The following EPB41L2 variants were observed in gnomAD, a reference collection of about 807,000 sequenced individuals.
EPB41L2 encodes erythrocyte membrane protein band 4.1 like 2.
In EPB41L2, 43 loss-of-function variants were observed where a neutral mutation model predicts 113.0. The ratio of observed to expected loss-of-function variants is 0.38; its 90% confidence interval spans 0.30 to 0.49. The LOEUF is 0.49. Among genes scored for constraint, EPB41L2 ranks in the 20% least tolerant of loss-of-function variants. The pLI is 0.95. For missense variants in EPB41L2, 1,147 were observed against 1,223.4 expected (o/e 0.94, Z 0.93); for synonymous variants, 442 against 436.7 (o/e 1.01, Z -0.15).
intron 4 of EPB41L2, among the ~76,000 whole-genome samples, chr6:130,913,999 C>G (rs141380343): frequency 5.3e-5 from 8 of 152,264 alleles, no homozygotes; most frequent in Non-Finnish European, 1.2e-4. Flanking sequence ...AGGTTTTAGA[C>G]TTAAAGATTT....
In EPB41L2 at chr6:130,908,164, G is replaced by A. The variant is rs1183428803; in HGVS notation, c.853+657C>T. On this transcript the variant is annotated intron_variant, in intron 5 of 19. Transcript: ENST00000337057. ...GCAAAACAACCTGCAGAGGCAGAAC[G>A]TATAGAGAGAACTGAAGCTGGTTAG... Among the ~76,000 whole-genome samples the A allele has an allele frequency of 4.6e-5, 7 of 152,188 alleles. No individual in the cohort carries two copies. In the East Asian group the frequency reaches 7.7e-4, roughly 17 times the overall value.
chr6:131,052,887 T>C (rs1796840198), intron 1 of EPB41L2, among the ~76,000 whole-genome samples: 1 of 152,096 alleles, frequency 6.6e-6, no homozygotes, highest in Admixed American at 6.5e-5. Flanking sequence ...AACAACTATC[T>C]ACACACAAAA....
chr6:130,988,706 T>C (rs937446331), intron 1 of EPB41L2, among the ~76,000 whole-genome samples: 2 of 151,998 alleles, frequency 1.3e-5, no homozygotes, highest in African/African-American at 2.4e-5. Context: ...AATGAAAAAA[T>C]ATTTGGAGGG....
rs60350565 is a variant in EPB41L2 at position 130,892,403 on chromosome 6, C to CTTTTTTTTTTTTTTTTTT, written c.1487+1923_1488-1938dup. On this transcript the variant is annotated intron_variant, in intron 10 of 19. Transcript: ENST00000337057. ...CTTGCCATTTCTGAACAGATTATTG[C>CTTTTTTTTTTTTTTTTTT]TTTTTTTTTTTTTTTTTTTATCATT... Among the ~76,000 whole-genome samples the CTTTTTTTTTTTTTTTTTT allele has an allele frequency of 8.4e-3, 776 of 92,380 alleles. 87 individuals are homozygous for CTTTTTTTTTTTTTTTTTT. Among genetic ancestry groups the CTTTTTTTTTTTTTTTTTT allele is most frequent in the Non-Finnish European group, 0.013 (554 of 41,326 alleles). The allele number at this position is 92,380 out of a possible 152,430, so 60.6% of individuals were successfully genotyped here.
intron 1 of EPB41L2, among the ~76,000 whole-genome samples, chr6:130,976,521 T>C (rs1228986509): frequency 1.3e-5 from 2 of 152,188 alleles, no homozygotes; most frequent in Admixed American, 6.5e-5. Context: ...GAAAGAAAGA[T>C]ACTGCATGAC....
At chr6:130,908,517 A>G (rs1798379173) in intron 5 of EPB41L2, among the ~76,000 whole-genome samples, 1 of 152,210 alleles carries the variant, frequency 6.6e-6, no homozygotes, top group Non-Finnish European at 1.5e-5. Flanking sequence ...AGTAAAATTT[A>G]CATAGAAAGT....
intron 1 of EPB41L2, among the ~76,000 whole-genome samples, chr6:131,023,549 G>A (rs1284832956): frequency 2.0e-5 from 3 of 152,086 alleles, no homozygotes; most frequent in African/African-American, 7.2e-5. Flanking sequence ...CGGGCATGGT[G>A]GTGCACACAC....
rs573750642 is a variant in EPB41L2, at chr6:131,014,727, C to A, written c.-15+48428G>T. Among the ~76,000 whole-genome samples the A allele has an allele frequency of 2.0e-4, 31 of 152,256 alleles. 1 individual carries two copies. Among genetic ancestry groups the A allele is most frequent in the African/African-American group, 7.0e-4 (29 of 41,542 alleles). ...TACACAAAAACAATAAGCAAAGGAA[C>A]CTCGATTCAATTACACAAGACCCAT... On this transcript the variant is annotated intron_variant, in intron 1 of 19. Transcript: ENST00000337057.
intron 13 of EPB41L2, among the ~76,000 whole-genome samples, chr6:130,879,942 A>C (rs562640994): frequency 6.6e-6 from 1 of 152,290 alleles, no homozygotes; most frequent in East Asian, 1.9e-4. Context: ...TGTCACTTTG[A>C]GAACTTCTAG....
intron 3 of EPB41L2, among the ~76,000 whole-genome samples, chr6:130,941,224 C>A (rs975436609): frequency 1.3e-5 from 2 of 152,118 alleles, no homozygotes. Flanking sequence ...AGACTAGCAA[C>A]CCTGTCATTA....
At chr6:130,964,230 C>A (rs1362611317) in intron 1 of EPB41L2, among the ~76,000 whole-genome samples, 2 of 152,118 alleles carry the variant, frequency 1.3e-5, no homozygotes, top group Non-Finnish European at 2.9e-5. Context: ...CCATGTTGGC[C>A]TGGCTGGTCT....
rs527743543 is a variant in EPB41L2 at position 130,986,006 on chromosome 6, C to A, written c.-14-29507G>T. ...GGCCTGATACAAAAGCCAAAAAAAA[C>A]CACCACAAGAAAAGTAAACTACAGA... On this transcript the variant is annotated intron_variant, in intron 1 of 19. Transcript: ENST00000337057. Among the ~76,000 whole-genome samples, 3 of 152,188 alleles carry A rather than the reference C, an allele frequency of 2.0e-5. No homozygotes were observed. In the South Asian group the frequency reaches 6.2e-4, roughly 32 times the overall value.
At position 130,947,121 on chromosome 6, in the gene EPB41L2, T is replaced by A. The variant is rs1813198226; in HGVS notation, c.705+7984A>T. ...TTGCTAGGTCCTGTATACCAATGAC[T>A]TTACAACCTCTGGTCCATTACTAAG... On this transcript the variant is annotated intron_variant, in intron 3 of 19. Coordinates refer to ENST00000337057, the MANE Select transcript of EPB41L2 (RefSeq NM_001431.4). 2.7e-5 allele frequency among the ~76,000 whole-genome samples: 4 copies of A among 148,886 alleles called. No homozygotes were observed. In the South Asian group the frequency reaches 8.7e-4, roughly 32 times the overall value.
intron 1 of EPB41L2, among the ~76,000 whole-genome samples, chr6:131,042,665 A>AG (rs1399385399): frequency 7.3e-6 from 1 of 136,768 alleles, no homozygotes; most frequent in Non-Finnish European, 1.7e-5. Flanking sequence ...AAGGAAGAAG[A>AG]GGGGGAAAAA....
At chr6:130,977,944 T>G (rs1778549961) in intron 1 of EPB41L2, among the ~76,000 whole-genome samples, 1 of 152,200 alleles carries the variant, frequency 6.6e-6, no homozygotes, top group Non-Finnish European at 1.5e-5. Flanking sequence ...CTAAAAGTGG[T>G]GGAAGGTATC....
chr6:130,854,665 AC>A (rs79519857), intron 19 of EPB41L2, among the ~76,000 whole-genome samples: 115,872 of 152,062 alleles, frequency 0.76, 44,712 homozygotes, highest in East Asian at 1. Context: ...AGAGAAAAAA[AC>A]ATCCAGTGCT....
intron 1 of EPB41L2, among the ~76,000 whole-genome samples, chr6:131,048,161 A>AAG (rs1562797697): frequency 3.5e-5 from 5 of 144,184 alleles, no homozygotes; most frequent in Non-Finnish European, 6.0e-5. Flanking sequence ...AAAAAAAGAA[A>AAG]AAAAGAAAAG....
intron 12 of EPB41L2, chr6:130,880,965 T>C (rs900675621): frequency 6.5e-6 from 1 of 153,890 alleles, no homozygotes; most frequent in Non-Finnish European, 1.4e-5. Flanking sequence ...GGAGGGGGAT[T>C]GGCTTATTTA....
intron 19 of EPB41L2, among the ~76,000 whole-genome samples, chr6:130,851,550 T>C (rs537549657): frequency 6.6e-6 from 1 of 152,334 alleles, no homozygotes; most frequent in South Asian, 2.1e-4. Context: ...TGACACCTAA[T>C]GTTCTCCCAT....
Sources: allele counts gnomAD v4.1 joint callset (sites outside exome capture counted in the v4.1 genomes callset), GRCh38; gene constraint gnomAD v4.1.1; transcripts MANE v1.5; gene names NCBI Gene and HGNC (gene_info 2026-07-23, HGNC 2026-07-21).